Variants in NALF1 observed in about 807,000 individuals in gnomAD.
The protein encoded by NALF1 is family with sequence similarity 155 member A.
In NALF1, 3 loss-of-function variants were observed where a neutral mutation model predicts 48.4. The observed-to-expected ratio is 0.06, with a 90% CI of 0.03 to 0.16. NALF1 has a LOEUF of 0.16. NALF1 is among the 10% of genes least tolerant of loss of function. The pLI is 1.00. For missense variants in NALF1, 526 were observed against 571.5 expected, an observed-to-expected ratio of 0.92 and a Z score of 0.81; for synonymous variants, 262 against 245.7, an observed-to-expected ratio of 1.07 and a Z score of -0.62.
intron 1 of NALF1, among the ~76,000 whole-genome samples, chr13:107,515,236 G>C (rs573299868): frequency 4.3e-4 from 65 of 152,272 alleles, no homozygotes; most frequent in Non-Finnish European, 7.6e-4. Context: ...GTTCCTGAAT[G>C]ATGACAGTGA....
intron 1 of NALF1, among the ~76,000 whole-genome samples, chr13:107,699,961 G>T (rs912486107): frequency 3.3e-5 from 5 of 152,092 alleles, no homozygotes; most frequent in South Asian, 4.1e-4. Flanking sequence ...GTAGGTAAAA[G>T]ATTTGCACAC....
At chr13:107,274,443 T>G (rs77793113) in intron 1 of NALF1, among the ~76,000 whole-genome samples, 1 of 152,134 alleles carries the variant, frequency 6.6e-6, no homozygotes, top group Non-Finnish European at 1.5e-5. Flanking sequence ...GGCATGGCAG[T>G]GCCAACTCCA....
At chr13:107,186,517 G>A (rs1476205074) in intron 2 of NALF1, among the ~76,000 whole-genome samples, 2 of 152,096 alleles carry the variant, frequency 1.3e-5, no homozygotes, top group Non-Finnish European at 2.9e-5. Flanking sequence ...ACAGGTGCGT[G>A]CCACCACGCC....
At chr13:107,250,675 T>C (rs2138843854) in intron 1 of NALF1, among the ~76,000 whole-genome samples, 1 of 152,332 alleles carries the variant, frequency 6.6e-6, no homozygotes, top group East Asian at 1.9e-4. Flanking sequence ...ATAAACAGTA[T>C]GGCATTAAAC....
intron 1 of NALF1, among the ~76,000 whole-genome samples, chr13:107,392,312 C>T (rs1883640332): frequency 6.6e-6 from 1 of 152,058 alleles, no homozygotes; most frequent in African/African-American, 2.4e-5. Context: ...GCATCACCAG[C>T]ACAACTGCTT....
intron 1 of NALF1, among the ~76,000 whole-genome samples, chr13:107,300,518 G>A (rs1421727309): frequency 6.6e-6 from 1 of 152,140 alleles, no homozygotes; most frequent in East Asian, 1.9e-4. Context: ...CAGAAAATGA[G>A]CATACTTTAC....
intron 1 of NALF1, among the ~76,000 whole-genome samples, chr13:107,715,644 G>A (rs1036253952): frequency 6.6e-6 from 1 of 152,172 alleles, no homozygotes; most frequent in South Asian, 2.1e-4. Flanking sequence ...GTCACGTACA[G>A]GAGGACCTTG....
At chr13:107,640,256 G>A (rs1463509202) in intron 1 of NALF1, among the ~76,000 whole-genome samples, 1 of 152,032 alleles carries the variant, frequency 6.6e-6, no homozygotes, top group African/African-American at 2.4e-5. Context: ...TTAGTCAGAG[G>A]AACAAAATAA....
intron 1 of NALF1, among the ~76,000 whole-genome samples, chr13:107,375,542 C>T (rs1328793258): frequency 2.0e-5 from 3 of 151,200 alleles, no homozygotes; most frequent in Non-Finnish European, 4.4e-5. Flanking sequence ...TTAACTGCTG[C>T]TCCGTGTAAT....
chr13:107,233,893 T>C (rs1216376176), intron 1 of NALF1, among the ~76,000 whole-genome samples: 1 of 152,364 alleles, frequency 6.6e-6, no homozygotes, highest in East Asian at 1.9e-4. Flanking sequence ...ATAGATGATA[T>C]GACATGATTA....
chr13:107,759,884 G>A (rs763104431), intron 1 of NALF1, among the ~76,000 whole-genome samples: 2 of 152,000 alleles, frequency 1.3e-5, no homozygotes, highest in Admixed American at 6.6e-5. Context: ...TGGGAATGAA[G>A]AGCCCATCAA....
intron 1 of NALF1, among the ~76,000 whole-genome samples, chr13:107,232,530 C>T (rs1020318632): frequency 6.6e-6 from 1 of 152,202 alleles, no homozygotes; most frequent in Non-Finnish European, 1.5e-5. Flanking sequence ...ATCATCTTAG[C>T]CAATCCTTTA....
chr13:107,381,673 G>A (rs1293087696), intron 1 of NALF1, among the ~76,000 whole-genome samples: 4 of 152,096 alleles, frequency 2.6e-5, no homozygotes, highest in Non-Finnish European at 4.4e-5. Flanking sequence ...TAACAGTAAG[G>A]GAGTTTCATA....
chr13:107,589,515 C>T (rs559657126), intron 1 of NALF1, among the ~76,000 whole-genome samples: 1 of 152,102 alleles, frequency 6.6e-6, no homozygotes, highest in East Asian at 1.9e-4. Flanking sequence ...TATATTCAAA[C>T]AGTTATCTGT....
At chr13:107,430,560 T>G (rs1346929642) in intron 1 of NALF1, among the ~76,000 whole-genome samples, 1 of 152,212 alleles carries the variant, frequency 6.6e-6, no homozygotes, top group Non-Finnish European at 1.5e-5. Flanking sequence ...GTTGGTTTTT[T>G]GTCCTTGCGA....
At chr13:107,819,136 A>G (rs926950600) in intron 1 of NALF1, among the ~76,000 whole-genome samples, 3 of 152,148 alleles carry the variant, frequency 2.0e-5, no homozygotes, top group Non-Finnish European at 2.9e-5. Flanking sequence ...CTAATTCCTC[A>G]GCTTAACCTG....
At chr13:107,520,744 G>T (rs78498920) in intron 1 of NALF1, among the ~76,000 whole-genome samples, 1 of 152,256 alleles carries the variant, frequency 6.6e-6, no homozygotes, top group South Asian at 2.1e-4. Flanking sequence ...ATCATAGAAC[G>T]TTTGCATCAC....
intron 1 of NALF1, among the ~76,000 whole-genome samples, chr13:107,609,819 C>G (rs1286242846): frequency 6.6e-6 from 1 of 152,062 alleles, no homozygotes; most frequent in African/African-American, 2.4e-5. Context: ...ATATCCACAT[C>G]ACAGACAAAT....
At chr13:107,639,863 T>C (rs1263988947) in intron 1 of NALF1, among the ~76,000 whole-genome samples, 2 of 152,222 alleles carry the variant, frequency 1.3e-5, no homozygotes, top group African/African-American at 2.4e-5. Context: ...TATTGTGCTC[T>C]ACTCATGCTG....
Sources: gnomAD v4.1 joint callset for allele counts (sites outside exome capture counted in the v4.1 genomes callset) on GRCh38, gnomAD v4.1.1 for gene constraint, MANE v1.5 for transcripts, NCBI Gene and HGNC (gene_info 2026-07-23, HGNC 2026-07-21) for gene names.